Variants in RANBP17 observed in about 807,000 individuals in gnomAD.
RANBP17 encodes RAN binding protein 17.
RANBP17 carries 158 observed loss-of-function variants against 141.2 expected under a neutral mutation model. The observed-to-expected ratio is 1.12, with a 90% confidence interval of 0.98 to 1.28. The LOEUF is 1.28. RANBP17 is among the 50% of genes most tolerant of loss of function. The probability of loss-of-function intolerance (pLI) is 0.00; values close to 1 mark genes in which losing one functional copy is unlikely to be tolerated. For synonymous variants in RANBP17, 430 were observed against 450.0 expected (o/e 0.96, Z 0.56); for missense variants, 1,438 against 1,290.7 (o/e 1.11, Z -1.75).
intron 14 of RANBP17, among the ~76,000 whole-genome samples, chr5:171,132,174 A>C (rs945603326): frequency 6.6e-6 from 1 of 152,140 alleles, no homozygotes; most frequent in African/African-American, 2.4e-5. Context: ...AGGGAAAGAC[A>C]CTTTTAATTG....
In RANBP17 at chr5:170,885,428, T is replaced by G. The variant is rs17073033; in HGVS notation, c.256+3532T>G. On this transcript the variant is annotated intron_variant, in intron 3 of 27. Coordinates refer to ENST00000523189, the MANE Select transcript of RANBP17 (RefSeq NM_022897.5). ...GACTCTTTTCCTGGAGATTTCTTCC[T>G]GAAAAATGCAAGAGCTGTTGGTGAG... Among the ~76,000 whole-genome samples, 906 of 152,324 alleles carry G rather than the reference T, an allele frequency of 5.9e-3. 10 individuals are homozygous for G. The highest frequency in any genetic ancestry group is 0.021 in the African/African-American group (863 of 41,576).
At chr5:171,214,021 G>A (rs924446136) in intron 21 of RANBP17, among the ~76,000 whole-genome samples, 5 of 152,170 alleles carry the variant, frequency 3.3e-5, no homozygotes, top group Non-Finnish European at 7.4e-5. Context: ...CGAAATGAAG[G>A]GAGGGCAGCT....
At chr5:171,064,728 G>A (rs2608084) in intron 14 of RANBP17, among the ~76,000 whole-genome samples, 5 of 151,552 alleles carry the variant, frequency 3.3e-5, no homozygotes, top group African/African-American at 9.7e-5. Context: ...TCCATGTTGC[G>A]TAGGCTGGTG....
intron 22 of RANBP17, among the ~76,000 whole-genome samples, chr5:171,229,434 G>A (rs1036718109): frequency 2.6e-5 from 4 of 151,856 alleles, no homozygotes; most frequent in Middle Eastern, 3.4e-3. Context: ...TTGCTCTGTC[G>A]CCCAGGCTGG....
chr5:170,926,049 T>C (rs1191442507), intron 12 of RANBP17, among the ~76,000 whole-genome samples: 1 of 152,210 alleles, frequency 6.6e-6, no homozygotes, highest in African/African-American at 2.4e-5. Flanking sequence ...ACTGTTAAAC[T>C]ATTTTACAAA....
intron 25 of RANBP17, among the ~76,000 whole-genome samples, chr5:171,278,782 C>G (rs2128034571): frequency 6.6e-6 from 1 of 152,256 alleles, no homozygotes; most frequent in Middle Eastern, 3.4e-3. Flanking sequence ...GTGAAACTAC[C>G]CCTTATAGAC....
chr5:171,089,387 T>C (rs376929415), intron 14 of RANBP17, among the ~76,000 whole-genome samples: 2,035 of 147,516 alleles, frequency 0.014, 35 homozygotes, highest in African/African-American at 0.041. Context: ...ACATTTAAGT[T>C]TGCAGAGGTT....
chr5:171,126,869 T>A lies in RANBP17; in HGVS notation c.1711-43261T>A, dbSNP rs188125451. Among the ~76,000 whole-genome samples, 450 of 152,284 alleles carry A rather than the reference T, an allele frequency of 3.0e-3. 2 individuals are homozygous for A. Among genetic ancestry groups the A allele is most frequent in the African/African-American group, 9.9e-3 (411 of 41,586 alleles). ...AAAGAAGAGCCCAGGACTGCATGGCTTTAGTACTGAATTTTACCAAACTTA... is the reference window on the plus strand; with the variant it reads ...AAAGAAGAGCCCAGGACTGCATGGCATTAGTACTGAATTTTACCAAACTTA... On this transcript the variant is annotated intron_variant, in intron 14 of 27. Transcript: ENST00000523189.
At chr5:171,047,892 C>A (rs1234542989) in intron 14 of RANBP17, among the ~76,000 whole-genome samples, 1 of 152,012 alleles carries the variant, frequency 6.6e-6, no homozygotes, top group African/African-American at 2.4e-5. Context: ...TTGGCAGAGT[C>A]TAATTATTAC....
At chr5:171,247,915 A>G (rs1765309123) in intron 24 of RANBP17, among the ~76,000 whole-genome samples, 1 of 152,256 alleles carries the variant, frequency 6.6e-6, no homozygotes, top group African/African-American at 2.4e-5. Flanking sequence ...TGCGCTAAAC[A>G]AAGAATTAAA....
intron 12 of RANBP17, among the ~76,000 whole-genome samples, chr5:170,929,016 T>G (rs548506213): frequency 1.3e-5 from 2 of 152,114 alleles, no homozygotes; most frequent in Admixed American, 6.5e-5. Context: ...AGTTTATTCC[T>G]ATGTATTTTT....
At chr5:171,234,665 A>G (rs972329632) in intron 22 of RANBP17, among the ~76,000 whole-genome samples, 2 of 152,040 alleles carry the variant, frequency 1.3e-5, no homozygotes, top group South Asian at 2.1e-4. Context: ...GGTAGGACAG[A>G]AAAAATGTAG....
chr5:171,193,647 C>CT (rs1252471818), intron 18 of RANBP17, among the ~76,000 whole-genome samples: 1 of 152,146 alleles, frequency 6.6e-6, no homozygotes, highest in East Asian at 1.9e-4. Flanking sequence ...GTTCCTTTGC[C>CT]TTTTGCGGCT....
chr5:171,169,262 C>T (rs988682781), intron 14 of RANBP17, among the ~76,000 whole-genome samples: 12 of 152,104 alleles, frequency 7.9e-5, no homozygotes, highest in African/African-American at 2.7e-4. Flanking sequence ...TGAGAGAACA[C>T]AATCACAGAG....
At chr5:171,059,641 A>C (rs1783669402) in intron 14 of RANBP17, among the ~76,000 whole-genome samples, 2 of 151,878 alleles carry the variant, frequency 1.3e-5, no homozygotes, top group African/African-American at 4.8e-5. Context: ...TGACTTGGCA[A>C]TGCGGGCTCT....
At chr5:171,224,254 A>G (rs1763754970) in intron 22 of RANBP17, among the ~76,000 whole-genome samples, 1 of 152,228 alleles carries the variant, frequency 6.6e-6, no homozygotes, top group Admixed American at 6.5e-5. Context: ...AATAAACAGC[A>G]TATATGTATA....
intron 14 of RANBP17, among the ~76,000 whole-genome samples, chr5:171,117,829 T>TTTGTTGTTGTTGTTGTTG (rs57307801): frequency 6.8e-6 from 1 of 147,450 alleles, no homozygotes; most frequent in African/African-American, 2.5e-5. Flanking sequence ...TATGTGGGGT[T>TTTGTTGTTGTTGTTGTTG]TTGTTGTTGT....
chr5:171,019,074 T>C (rs1780654332), intron 14 of RANBP17, among the ~76,000 whole-genome samples: 1 of 152,222 alleles, frequency 6.6e-6, no homozygotes, highest in Non-Finnish European at 1.5e-5. Context: ...GATTTGTATA[T>C]GTGGAACCAG....
intron 22 of RANBP17, among the ~76,000 whole-genome samples, chr5:171,230,518 T>C (rs988398515): frequency 3.9e-5 from 6 of 152,162 alleles, no homozygotes; most frequent in African/African-American, 1.4e-4. Flanking sequence ...CCCAGCACTT[T>C]GGAAGGCCGA....
Sources: allele counts gnomAD v4.1 joint callset (sites outside exome capture counted in the v4.1 genomes callset), GRCh38; gene constraint gnomAD v4.1.1; transcripts MANE v1.5; gene names NCBI Gene and HGNC (gene_info 2026-07-23, HGNC 2026-07-21).